ST6GAL1: variants seen among roughly 807,000 people sequenced by gnomAD.
ST6GAL1 encodes the protein ST6 beta-galactoside alpha-2,6-sialyltransferase 1, also known as beta-galactoside alpha-2,6-sialyltransferase 1.
Under a neutral mutation model 38.0 loss-of-function variants are expected in ST6GAL1, and 20 were observed. The ratio of observed to expected loss-of-function variants is 0.53; its 90% confidence interval spans 0.37 to 0.77. The LOEUF (loss-of-function observed/expected upper bound fraction) is 0.77, where lower values mean the gene tolerates loss of function less well. ST6GAL1 is among the 30% of genes least tolerant of loss of function. The probability of loss-of-function intolerance (pLI) is 0.00; values close to 1 mark genes in which losing one functional copy is unlikely to be tolerated. For synonymous variants in ST6GAL1, 196 were observed against 188.2 expected, an observed-to-expected ratio of 1.04 and a Z score of -0.34; for missense variants, 432 against 496.4, an observed-to-expected ratio of 0.87 and a Z score of 1.23.
intron 1 of ST6GAL1, among the ~76,000 whole-genome samples, chr3:186,949,843 C>T (rs1187579276): frequency 2.6e-5 from 4 of 152,244 alleles, no homozygotes; most frequent in Non-Finnish European, 5.9e-5. Flanking sequence ...TATATTCATC[C>T]TTTCTGCCTT....
intron 2 of ST6GAL1, among the ~76,000 whole-genome samples, chr3:186,987,590 C>T (rs564847931): frequency 9.3e-4 from 142 of 152,260 alleles, no homozygotes; most frequent in African/African-American, 3.1e-3. Context: ...GTTGGTTGAA[C>T]GAATTACCTG....
At chr3:187,054,368 G>A (rs2108589177) in intron 5 of ST6GAL1, among the ~76,000 whole-genome samples, 1 of 152,264 alleles carries the variant, frequency 6.6e-6, no homozygotes, top group East Asian at 1.9e-4. Context: ...GGGCATCCCT[G>A]TCTTGTGCTA....
At chr3:187,013,318 T>C (rs1455370336) in intron 2 of ST6GAL1, among the ~76,000 whole-genome samples, 1 of 152,182 alleles carries the variant, frequency 6.6e-6, no homozygotes, top group African/African-American at 2.4e-5. Flanking sequence ...CCCATAACTC[T>C]GTGAAATAGG....
chr3:187,035,946 A>G (rs542458948), intron 2 of ST6GAL1, among the ~76,000 whole-genome samples: 1 of 152,356 alleles, frequency 6.6e-6, no homozygotes, highest in East Asian at 1.9e-4. Context: ...AGCAAAAGAA[A>G]CTATCAACAG....
chr3:186,958,348 C>T (rs1289446545), intron 1 of ST6GAL1, among the ~76,000 whole-genome samples: 1 of 151,910 alleles, frequency 6.6e-6, no homozygotes, highest in African/African-American at 2.4e-5. Context: ...TTAGTGTTGA[C>T]TTAATAAAAA....
At chr3:187,007,463 A>G (rs558880862) in intron 2 of ST6GAL1, among the ~76,000 whole-genome samples, 27 of 152,346 alleles carry the variant, frequency 1.8e-4, no homozygotes, top group African/African-American at 6.0e-4. Flanking sequence ...TGGCATACCA[A>G]AAGCTTTGAA....
At chr3:186,949,042 C>T (rs55839611) in intron 1 of ST6GAL1, 6,868 of 152,138 alleles carry the variant, frequency 0.045, 181 homozygotes, top group East Asian at 0.068. Flanking sequence ...GTGGGAAGCC[C>T]GTGAGGCTGT....
At chr3:187,035,118 G>C (rs6809209) in intron 2 of ST6GAL1, among the ~76,000 whole-genome samples, 12,274 of 152,142 alleles carry the variant, frequency 0.081, 583 homozygotes, top group African/African-American at 0.13. Context: ...TTTTCAAGCT[G>C]AGAGTCAAAT....
In ST6GAL1 at chr3:187,010,780, G is replaced by A. The variant is rs544376783; in HGVS notation, c.-182-27962G>A. On this transcript the variant is annotated intron_variant, in intron 2 of 7. Transcript: ENST00000169298. ...CCCAGGAATTAGTCTGATTGATAAC[G>A]CCCAAAGCCCCGCGTCTATCACCTT... is the stretch of plus-strand genomic sequence containing the variant. Among the ~76,000 whole-genome samples, 15 of 152,258 alleles carry A rather than the reference G, an allele frequency of 9.9e-5. No individual in the cohort carries two copies. The South Asian group carries it at 2.7e-3, about 27-fold the overall frequency.
At chr3:187,039,305 T>C (rs1483527916) in intron 3 of ST6GAL1, among the ~76,000 whole-genome samples, 1 of 152,234 alleles carries the variant, frequency 6.6e-6, no homozygotes, top group Non-Finnish European at 1.5e-5. Context: ...GTGATGATTG[T>C]AAAGATTCTC....
chr3:186,950,787 A>G (rs1038923249), intron 1 of ST6GAL1, among the ~76,000 whole-genome samples: 5 of 152,250 alleles, frequency 3.3e-5, no homozygotes, highest in African/African-American at 7.2e-5. Context: ...AAATGACTCT[A>G]AAGTTCTGTG....
chr3:187,021,255 C>A (rs1051755244), intron 2 of ST6GAL1, among the ~76,000 whole-genome samples: 33 of 152,146 alleles, frequency 2.2e-4, no homozygotes, highest in African/African-American at 8.0e-4. Flanking sequence ...AGCCATCATG[C>A]CTGGACTATG....
intron 1 of ST6GAL1, among the ~76,000 whole-genome samples, chr3:186,950,210 G>A (rs1714530396): frequency 6.6e-6 from 1 of 152,222 alleles, no homozygotes; most frequent in Non-Finnish European, 1.5e-5. Context: ...CCAGGCAGTT[G>A]GGGCGGGGGC....
chr3:187,065,772 T>C (rs1719082701), intron 5 of ST6GAL1, among the ~76,000 whole-genome samples: 1 of 152,218 alleles, frequency 6.6e-6, no homozygotes, highest in Admixed American at 6.5e-5. Flanking sequence ...TCAGTGGGGC[T>C]TATCTTGAAA....
At chr3:186,967,547 G>C (rs748157785) in intron 2 of ST6GAL1, among the ~76,000 whole-genome samples, 2 of 152,166 alleles carry the variant, frequency 1.3e-5, no homozygotes, top group Non-Finnish European at 2.9e-5. Flanking sequence ...CCAGCAGATG[G>C]GGGAGGGAGT....
chr3:187,058,580 C>T (rs1718802003), intron 5 of ST6GAL1, among the ~76,000 whole-genome samples: 1 of 152,028 alleles, frequency 6.6e-6, no homozygotes, highest in Non-Finnish European at 1.5e-5. Context: ...CCTCTAGGTG[C>T]TTCCAATGCC....
chr3:187,071,449 C>G (rs1025187766), intron 5 of ST6GAL1, among the ~76,000 whole-genome samples: 5 of 152,008 alleles, frequency 3.3e-5, no homozygotes, highest in Non-Finnish European at 5.9e-5. Flanking sequence ...CCCATTTCAC[C>G]GATCAGAAAA....
chr3:186,942,948 C>T lies in ST6GAL1; in HGVS notation c.-325+12114C>T, dbSNP rs115422129. On this transcript the variant is annotated intron_variant, in intron 1 of 7. Coordinates refer to ENST00000169298, the MANE Select transcript of ST6GAL1 (RefSeq NM_173216.2). ...AAACTGCTCACCTCAGGTGATCCAC[C>T]GACCTCGGCCTCCCAAAGTGCTGGG... Among the ~76,000 whole-genome samples, 365 of 152,266 alleles carry T rather than the reference C, an allele frequency of 2.4e-3. 4 individuals are homozygous for T. Among genetic ancestry groups the T allele is most frequent in the African/African-American group, 7.0e-3 (289 of 41,558 alleles).
intron 2 of ST6GAL1, among the ~76,000 whole-genome samples, chr3:187,000,808 G>A (rs1716593195): frequency 6.6e-6 from 1 of 152,080 alleles, no homozygotes; most frequent in African/African-American, 2.4e-5. Flanking sequence ...TTTTCGTAAG[G>A]TTTCACTTCT....
Sources: allele counts gnomAD v4.1 joint callset (sites outside exome capture counted in the v4.1 genomes callset), GRCh38; gene constraint gnomAD v4.1.1; transcripts MANE v1.5; gene names NCBI Gene and HGNC (gene_info 2026-07-23, HGNC 2026-07-21).